The following DSPP variants were observed in gnomAD, a reference collection of about 807,000 sequenced individuals.
DSPP encodes the protein dentin sialophosphoprotein.
In DSPP, 28 loss-of-function variants were observed where a neutral mutation model predicts 29.1. That is an observed-to-expected ratio of 0.96 (90% CI 0.71 to 1.32). The LOEUF (loss-of-function observed/expected upper bound fraction) is 1.32. DSPP is among the 40% of genes most tolerant of loss of function. The pLI is 0.00. For missense variants in DSPP, 1,281 were observed against 1,629.9 expected, an observed-to-expected ratio of 0.79 and a Z score of 3.69; for synonymous variants, 481 against 503.4, an observed-to-expected ratio of 0.96 and a Z score of 0.60.
Position 87,614,775 on chromosome 4 carries a change from A to T in DSPP, c.2113A>T (p.Ser705Cys). 1 of 1,551,400 alleles carries T rather than the reference A, an allele frequency of 6.4e-7. No individual in the cohort carries two copies. Among genetic ancestry groups the T allele is most frequent in the Non-Finnish European group, 8.7e-7 (1 of 1,146,806 alleles). ...CAATAGCAGTGAGAGCAGTGATAGT[A>T]GTGACAGCAGTGATAGTGACAGCAG... The part of the protein sequence containing the change: ...SSNSSESSDS[S>C]DSSDSDSSDS... Residue 705 changes from serine (S) to cysteine (C), a missense_variant, in exon 5 of 5, where the codon AGT (serine) becomes TGT (cysteine). By Grantham distance (112) the Ser-to-Cys change is moderately radical. This residue lies in a region of DSPP where 444 missense variants were observed against 611.4 expected (regional missense o/e 0.73). Coordinates refer to ENST00000651931, the MANE Select transcript of DSPP (RefSeq NM_014208.3).
Position 87,612,195 on chromosome 4 carries a change from GA to G in DSPP, c.135+8del, listed in dbSNP as rs1297167982. The G allele has an allele frequency of 6.2e-7, 1 of 1,613,852 alleles. No homozygotes were observed. Among genetic ancestry groups the G allele is most frequent in the Non-Finnish European group, 8.5e-7 (1 of 1,179,836 alleles). On this transcript the variant is annotated splice_region_variant and intron_variant, in intron 3 of 4. Transcript: ENST00000651931. ...ATCAAATGTGTCAGTACAGGTATAG[GA>G]TGTAATATATTTCATTTTATTTCCT... is the stretch of plus-strand genomic sequence containing the variant.
chr4:87,610,374 G>A (rs1189028328), intron 1 of DSPP, among the ~76,000 whole-genome samples: 1 of 152,124 alleles, frequency 6.6e-6, no homozygotes, highest in Non-Finnish European at 1.5e-5. Context: ...CAAGTAGCAG[G>A]GGTAACATTT....
At chr4:87,610,311 T>C (rs1003752143) in intron 1 of DSPP, among the ~76,000 whole-genome samples, 1 of 152,230 alleles carries the variant, frequency 6.6e-6, no homozygotes, top group Admixed American at 6.5e-5. Context: ...GGTGTTGTTA[T>C]TATTCCAGGT....
Position 87,616,429 on chromosome 4 carries a change from G to C in DSPP, c.3767G>C (p.Ser1256Thr). 1 of 1,551,480 alleles carries C rather than the reference G, an allele frequency of 6.4e-7. No individual in the cohort carries two copies. The highest frequency in any genetic ancestry group is 1.4e-5 in the African/African-American group (1 of 73,118). The change falls in exon 5 of 5, where the codon AGT becomes ACT. Residue 1256 changes from serine (S) to threonine (T), a missense_variant. Ser to Thr is a moderately conservative substitution (Grantham distance 58). Around this residue, in one of 4 missense-constraint regions of DSPP, gnomAD observed 134 missense variants for 185.0 expected, o/e 0.72. Transcript: ENST00000651931. ...AACAGCAGTGACAGCAGCGACAGCAGTGATAGCAGTGACAGCACATCTGAC... is the reference window on the plus strand; with the variant it reads ...AACAGCAGTGACAGCAGCGACAGCACTGATAGCAGTGACAGCACATCTGAC... ...SSNSSDSSDS[S>T]DSSDSTSDSN... is the part of the protein sequence containing the mutation.
chr4:87,610,749 C>G, intron 1 of DSPP, 132 bp from the exon 2 acceptor site: 2 of 663,020 alleles, frequency 3.0e-6, no homozygotes, highest in Non-Finnish European at 5.4e-6. Context: ...TCTGGACCAT[C>G]GTATGTCTTC....
rs1727814541 is a variant in DSPP at position 87,614,552 on chromosome 4, G to A, written c.1890G>A (p.Glu630=). The change falls in exon 5 of 5, where the codon GAG becomes GAA. Residue 630 remains glutamate (E), a synonymous_variant. Transcript: ENST00000651931. The stretch of plus-strand genomic sequence containing the variant: ...GCAAGTCAGACAGCAGCAAATCAGA[G>A]AGCGACAGCAGTGATAGTGACAGTA... ...SDSKSDSSKS[E]SDSSDSDSKS... 2 of 1,549,990 alleles carry A rather than the reference G, an allele frequency of 1.3e-6. No homozygotes were observed. Among genetic ancestry groups the A allele is most frequent in the Non-Finnish European group, 1.7e-6 (2 of 1,146,352 alleles).
rs1727863045 is a variant in DSPP at position 87,615,392 on chromosome 4, CAGCAGTGACAGCAGTGAT to C, written c.2736_2753del (p.Asp913_Ser918del). 7.5e-7 allele frequency: 1 copy of C among 1,337,958 alleles called. No individual in the cohort carries two copies. Among genetic ancestry groups the C allele is most frequent in the South Asian group, 1.4e-5 (1 of 72,864 alleles). 82.9% of individuals were successfully genotyped at this position (1,337,958 alleles called of 1,614,324 possible). On this transcript the variant is annotated inframe_deletion, in exon 5 of 5. Coordinates refer to ENST00000651931, the MANE Select transcript of DSPP (RefSeq NM_014208.3). ...ATAGTGACAGCAGTGATAGCAGCAA[CAGCAGTGACAGCAGTGAT>C]AGCAGCAACAGCAGTGATAGCAGTG... is the stretch of plus-strand genomic sequence containing the variant.
rs539814032 is a variant in DSPP, at chr4:87,612,690, C to T, written c.504C>T (p.Gly168=). The T allele has an allele frequency of 2.1e-5, 34 of 1,614,022 alleles. No individual in the cohort carries two copies. The highest frequency in any genetic ancestry group is 8.8e-5 in the South Asian group (8 of 91,062). ...AGAATACCCAAAATGGGGATGTTGG[C>T]GATGCAGGTCACAATGAGGATGTCG... ...TDKNTQNGDV[G]DAGHNEDVAV... The change falls in exon 4 of 5, where the codon GGC becomes GGT. Residue 168 remains glycine, a synonymous_variant. Coordinates refer to ENST00000651931, the MANE Select transcript of DSPP (RefSeq NM_014208.3).
In DSPP at chr4:87,612,622, G is replaced by A; in HGVS notation, c.436G>A (p.Ala146Thr). The A allele has an allele frequency of 6.2e-7, 1 of 1,614,096 alleles. No individual in the cohort carries two copies. Among genetic ancestry groups the A allele is most frequent in the Non-Finnish European group, 8.5e-7 (1 of 1,179,984 alleles). The change falls in exon 4 of 5, where the codon GCT becomes ACT. Residue 146 changes from alanine (A) to threonine (T), a missense_variant. Ala to Thr is a moderately conservative substitution (Grantham distance 58, BLOSUM62 0). Around this residue, in one of 4 missense-constraint regions of DSPP, gnomAD observed 631 missense variants for 643.2 expected, o/e 0.98. Transcript: ENST00000651931. ...GGGACAAGTAAGCATCATTGACAAT[G>A]CTGGAGCCACAAACAGAAGCAACAC... is the stretch of plus-strand genomic sequence containing the variant. ...IQGQVSIIDN[A>T]GATNRSNTNG...
Position 87,612,439 on chromosome 4 carries a change from T to G in DSPP, c.253T>G (p.Trp85Gly). 1 of 1,613,862 alleles carries G rather than the reference T, an allele frequency of 6.2e-7. No homozygotes were observed. The change falls in exon 4 of 5, where the codon TGG (tryptophan) becomes GGG (glycine). Residue 85 changes from tryptophan (W) to glycine (G), a missense_variant. Trp to Gly is a radical substitution (Grantham distance 184). Coordinates refer to ENST00000651931, the MANE Select transcript of DSPP (RefSeq NM_014208.3). The stretch of plus-strand genomic sequence containing the variant: ...CAAGGGAGAAGGGAATGGCTCTAAG[T>G]GGGCAGAAGTAGGAGGGAAGAGTTT... ...GHKGEGNGSK[W>G]AEVGGKSFST...
chr4:87,614,777 T>C lies in DSPP; in HGVS notation c.2115T>C (p.Ser705=), dbSNP rs376928070. 1.6e-5 allele frequency: 25 copies of C among 1,550,144 alleles called. No homozygotes were observed. The highest frequency in any genetic ancestry group is 4.1e-5 in the African/African-American group (3 of 72,544). ...SSNSSESSDS[S]DSSDSDSSDS... ...ATAGCAGTGAGAGCAGTGATAGTAG[T>C]GACAGCAGTGATAGTGACAGCAGTG... Residue 705 remains serine (S), a synonymous_variant, in exon 5 of 5, where the codon AGT becomes AGC. Transcript: ENST00000651931.
At position 87,612,643 on chromosome 4, in the gene DSPP, A is replaced by T; in HGVS notation, c.457A>T (p.Asn153Tyr). 6.2e-7 allele frequency: 1 copy of T among 1,614,168 alleles called. No individual in the cohort carries two copies. The highest frequency in any genetic ancestry group is 1.1e-5 in the South Asian group (1 of 91,072). Reference protein sequence around the residue: ...IDNAGATNRSNTNGNTDKNTQ... With the variant: ...IDNAGATNRSYTNGNTDKNTQ... ...CAATGCTGGAGCCACAAACAGAAGC[A>T]ACACTAATGGAAATACTGATAAGAA... The change falls in exon 4 of 5, where the codon AAC becomes TAC. Residue 153 changes from asparagine to tyrosine, a missense_variant. Coordinates refer to ENST00000651931, the MANE Select transcript of DSPP (RefSeq NM_014208.3).
chr4:87,615,473 CA>C lies in DSPP; in HGVS notation c.2812del (p.Ser938AlafsTer376). ...NSSDNSNSSD[S>X]SNSSDSSDSS... ...GTAGTGACAACAGCAATAGCAGTGA[CA>C]GCAGCAACAGCAGTGACAGCAGTGA... On this transcript the variant is annotated frameshift_variant, in exon 5 of 5. Coordinates refer to ENST00000651931, the MANE Select transcript of DSPP (RefSeq NM_014208.3). LOFTEE classifies it low-confidence loss of function (END_TRUNC). 5 of 1,550,412 alleles carry C rather than the reference CA, an allele frequency of 3.2e-6. No homozygotes were observed. The highest frequency in any genetic ancestry group is 3.5e-6 in the Non-Finnish European group (4 of 1,146,772).
chr4:87,612,169 G>A lies in DSPP; in HGVS notation c.116G>A (p.Arg39Lys). ...TCCATGAATTTGCATCTCCTAGCAA[G>A]ATCAAATGTGTCAGTACAGGTATAG... Reference protein sequence around the residue: ...EKSMNLHLLARSNVSVQDELN... With the variant: ...EKSMNLHLLAKSNVSVQDELN... The change falls in exon 3 of 5, where the codon AGA becomes AAA. Residue 39 changes from arginine (R) to lysine (K), a missense_variant. This residue lies in a region of DSPP where 631 missense variants were observed against 643.2 expected (regional missense o/e 0.98). Coordinates refer to ENST00000651931, the MANE Select transcript of DSPP (RefSeq NM_014208.3). 6.2e-7 allele frequency: 1 copy of A among 1,613,988 alleles called. No homozygotes were observed. The highest frequency in any genetic ancestry group is 8.5e-7 in the Non-Finnish European group (1 of 1,179,926).
chr4:87,612,479 C>T lies in DSPP; in HGVS notation c.293C>T (p.Thr98Ile). ...VGGKSFSTYS[T>I]LANEEGNIEG... ...GGGAAGAGTTTTTCTACATATTCCACATTAGCAAACGAAGAGGGGAATATT... is the reference window on the plus strand; with the variant it reads ...GGGAAGAGTTTTTCTACATATTCCATATTAGCAAACGAAGAGGGGAATATT... Residue 98 changes from threonine (T) to isoleucine (I), a missense_variant, in exon 4 of 5, where the codon ACA becomes ATA. Physicochemically the swap from Thr to Ile is moderately conservative, Grantham distance 89. This residue lies in a region of DSPP where 631 missense variants were observed against 643.2 expected (regional missense o/e 0.98). Transcript: ENST00000651931. The T allele has an allele frequency of 6.2e-7, 1 of 1,613,888 alleles. No individual in the cohort carries two copies. Among genetic ancestry groups the T allele is most frequent in the Non-Finnish European group, 8.5e-7 (1 of 1,179,934 alleles).
chr4:87,610,776 C>A (rs557482020), intron 1 of DSPP, 105 bp from the exon 2 acceptor site: 4 of 763,452 alleles, frequency 5.2e-6, no homozygotes, highest in Non-Finnish European at 6.8e-6. Context: ...TAGATACATG[C>A]TTCTTGTCCA....
rs1172333033 is a variant in DSPP at position 87,615,109 on chromosome 4, G to T, written c.2447G>T (p.Ser816Ile). ...SSDSSDSSDS[S>I]DSDSSNSSDS... ...GATAGCAGTGATAGCAGTGACAGCA[G>T]TGATAGCGACAGCAGCAATAGCAGT... The change falls in exon 5 of 5, where the codon AGT becomes ATT. Residue 816 changes from serine (S) to isoleucine (I), a missense_variant. This residue lies in a region of DSPP where 444 missense variants were observed against 611.4 expected (regional missense o/e 0.73). Coordinates refer to ENST00000651931, the MANE Select transcript of DSPP (RefSeq NM_014208.3). 2.6e-6 allele frequency: 4 copies of T among 1,549,374 alleles called. No homozygotes were observed. The highest frequency in any genetic ancestry group is 3.5e-6 in the Non-Finnish European group (4 of 1,146,560).
intron 1 of DSPP, among the ~76,000 whole-genome samples, chr4:87,608,938 C>T (rs530341262): frequency 6.6e-6 from 1 of 152,272 alleles, no homozygotes; most frequent in South Asian, 2.1e-4. Context: ...TTCAAAAATC[C>T]ACCTTGGGCT....
In DSPP at chr4:87,612,114, A is replaced by G. The variant is rs1197604029; in HGVS notation, c.61A>G (p.Ser21Gly). The G allele has an allele frequency of 6.2e-7, 1 of 1,613,870 alleles. No homozygotes were observed. Among genetic ancestry groups the G allele is most frequent in the Non-Finnish European group, 8.5e-7 (1 of 1,179,844 alleles). ...ATTTTCTACTTGGCAGGTTCCTCAA[A>G]GCAAACCACTGGAGAGACATGTCGA... Reference protein sequence around the residue: ...AVAWAIPVPQSKPLERHVEKS... With the variant: ...AVAWAIPVPQGKPLERHVEKS... The change falls in exon 3 of 5, where the codon AGC becomes GGC. Residue 21 changes from serine (S) to glycine (G), a missense_variant. Coordinates refer to ENST00000651931, the MANE Select transcript of DSPP (RefSeq NM_014208.3).
Sources: gnomAD v4.1 joint callset for allele counts (sites outside exome capture counted in the v4.1 genomes callset) on GRCh38, gnomAD v4.1.1 for gene constraint, gnomAD v4.1.1 regional missense constraint, MANE v1.5 for transcripts, NCBI Gene and HGNC (gene_info 2026-07-23, HGNC 2026-07-21) for gene names.